Variants in SLF2 observed in about 807,000 individuals in gnomAD.
SLF2 encodes SMC5/6 complex localization factor 2.
A neutral mutation model predicts 124.3 loss-of-function variants in SLF2; 68 were observed. That is an observed-to-expected ratio of 0.55 (90% CI 0.45 to 0.67). SLF2 has a LOEUF of 0.67. SLF2 is among the 30% of genes least tolerant of loss of function. The pLI, the probability that SLF2 is intolerant of heterozygous loss-of-function variation, is 0.00. For synonymous variants in SLF2, 480 were observed against 478.8 expected (o/e 1.00, Z -0.03); for missense variants, 1,246 against 1,373.7 (o/e 0.91, Z 1.47).
At chr10:100,944,208 A>G in intron 12 of SLF2, 80 bp downstream of exon 12, 3 of 986,902 alleles carry the variant, frequency 3.0e-6, no homozygotes, top group Non-Finnish European at 4.3e-6. Context: ...AAAAAAAAAA[A>G]GTCTCGGCCG....
chr10:100,942,407 A>C (rs528345505), intron 11 of SLF2, among the ~76,000 whole-genome samples: 64 of 152,368 alleles, frequency 4.2e-4, no homozygotes, highest in South Asian at 1.0e-3. Flanking sequence ...ACTCAAGAAC[A>C]GCCAAATGGA....
chr10:100,919,330 T>C (rs552513050), intron 4 of SLF2, among the ~76,000 whole-genome samples: 2 of 152,214 alleles, frequency 1.3e-5, no homozygotes, highest in South Asian at 2.1e-4. Context: ...CATAATCTTA[T>C]TATCTTGGAA....
chr10:100,922,312 G>C (rs1202730522), intron 4 of SLF2, among the ~76,000 whole-genome samples: 1 of 152,184 alleles, frequency 6.6e-6, no homozygotes, highest in Non-Finnish European at 1.5e-5. Context: ...CTGAGCCCAA[G>C]TGATCCTCCC....
In SLF2 at chr10:100,944,079, A is replaced by G; in HGVS notation, c.2708A>G (p.Lys903Arg). The G allele has an allele frequency of 6.2e-7, 1 of 1,613,108 alleles. No homozygotes were observed. The highest frequency in any genetic ancestry group is 8.5e-7 in the Non-Finnish European group (1 of 1,179,690). The part of the protein sequence containing the change: ...RGKESEDSSY[K>R]PIFSTLPETN... ...AAAGAAAGTGAAGATTCATCTTATA[A>G]GCCAATTTTTTCAACACTTCCTGAA... The change falls in exon 12 of 20, where the codon AAG (lysine) becomes AGG (arginine). Residue 903 changes from lysine (K) to arginine (R), a missense_variant. Physicochemically the swap from Lys to Arg is conservative, Grantham distance 26 (BLOSUM62 2). Transcript: ENST00000238961.
At chr10:100,943,747 A>T in intron 11 of SLF2, 1 of 283,194 alleles carries the variant, frequency 3.5e-6, no homozygotes, top group South Asian at 7.0e-5. Context: ...ATGCATAATG[A>T]TAGAAATCAT....
intron 8 of SLF2, among the ~76,000 whole-genome samples, chr10:100,930,391 G>A (rs1849709078): frequency 6.6e-6 from 1 of 152,128 alleles, no homozygotes; most frequent in South Asian, 2.1e-4. Context: ...CCAGCCTTTA[G>A]TTCAAATTCC....
intron 9 of SLF2, among the ~76,000 whole-genome samples, chr10:100,937,043 A>AAAATGCCTTTATT (rs1445887240): frequency 3.9e-5 from 6 of 152,196 alleles, no homozygotes; most frequent in Admixed American, 2.6e-4. Context: ...AAATGCACAT[A>AAAATGCCTTTATT]AAATGCCTTT....
chr10:100,938,115 A>G (rs969027328), intron 10 of SLF2, among the ~76,000 whole-genome samples: 3 of 152,314 alleles, frequency 2.0e-5, no homozygotes, highest in Non-Finnish European at 4.4e-5. Context: ...TTGGTAAGCA[A>G]CAGTATTATA....
In SLF2 at chr10:100,961,863, C is replaced by A. The variant is rs981937877; in HGVS notation, c.3487-14C>A. ...ATTTTGCTTTACCCTCTTTTTTCTC[C>A]TTCCCTTTTTTAGGGGCAGCTTCAT... On this transcript the variant is annotated splice_polypyrimidine_tract_variant and intron_variant, in intron 19 of 19. Transcript: ENST00000238961. 1 of 1,604,012 alleles carries A rather than the reference C, an allele frequency of 6.2e-7. No individual in the cohort carries two copies. Among genetic ancestry groups the A allele is most frequent in the Non-Finnish European group, 8.5e-7 (1 of 1,173,546 alleles).
At position 100,917,919 on chromosome 10, in the gene SLF2, CAAAT is replaced by C. The variant is rs76103040; in HGVS notation, c.916-446_916-443del. Among the ~76,000 whole-genome samples the C allele has an allele frequency of 7.9e-3, 1,204 of 151,696 alleles. 9 individuals carry two copies. Among genetic ancestry groups the C allele is most frequent in the South Asian group, 0.028 (134 of 4,798 alleles). ...ACATATCGAGACCTTGGCTCTACTACAAATAAATAAATAAATAAATAACCAGTCA... is the reference window on the plus strand; with the variant it reads ...ACATATCGAGACCTTGGCTCTACTACAAATAAATAAATAAATAACCAGTCA... On this transcript the variant is annotated intron_variant, in intron 3 of 19. Coordinates refer to ENST00000238961, the MANE Select transcript of SLF2 (RefSeq NM_018121.4).
In SLF2 at chr10:100,924,564, C is replaced by A; in HGVS notation, c.1563C>A (p.His521Gln). ...CSGHSTESTK[H>Q]KEHKAKTNKA... is the part of the protein sequence containing the mutation. ...GGCATTCTACAGAATCCACCAAACA[C>A]AAGGAACACAAAGCAAAGACTAATA... Residue 521 changes from histidine (H) to glutamine (Q), a missense_variant, in exon 5 of 20, where the codon CAC becomes CAA. His to Gln is a conservative substitution (Grantham distance 24, BLOSUM62 0). This residue lies in a region of SLF2 where 698 missense variants were observed against 708.9 expected (regional missense o/e 0.98). Transcript: ENST00000238961. 6.2e-7 allele frequency: 1 copy of A among 1,614,042 alleles called. No individual in the cohort carries two copies. The highest frequency in any genetic ancestry group is 1.3e-5 in the African/African-American group (1 of 75,006).
intron 10 of SLF2, 50 bp downstream of exon 10, chr10:100,937,527 T>G (rs1350656024): frequency 9.6e-7 from 1 of 1,044,620 alleles, no homozygotes; most frequent in East Asian, 2.4e-5. Context: ...TTGGTTGCTA[T>G]TTACATGGTA....
At chr10:100,918,166 TATG>T (rs1169327829) in intron 3 of SLF2, among the ~76,000 whole-genome samples, 1 of 152,252 alleles carries the variant, frequency 6.6e-6, no homozygotes, top group Admixed American at 6.5e-5. Context: ...ACTTCATTTT[TATG>T]ATATTTTTAC....
At chr10:100,926,444 A>C in intron 6 of SLF2, 1 of 594,052 alleles carries the variant, frequency 1.7e-6, no homozygotes. Flanking sequence ...TCTCTACAAA[A>C]AATACAAAAA....
At position 100,929,831 on chromosome 10, in the gene SLF2, G is replaced by A. The variant is rs1273808772; in HGVS notation, c.2167G>A (p.Glu723Lys). The A allele has an allele frequency of 1.9e-6, 3 of 1,571,034 alleles. No individual in the cohort carries two copies. The African/African-American group carries it at 4.1e-5, about 22-fold the overall frequency. Residue 723 changes from glutamate to lysine, a missense_variant and splice_region_variant, in exon 8 of 20, where the codon GAA becomes AAA. This residue lies in a region of SLF2 where 535 missense variants were observed against 632.8 expected (regional missense o/e 0.85). Transcript: ENST00000238961. ...TGATTGACTTTTTTTATGTTTCAGGGAATTTCTAAAGAAATTTTCAGTTAC... is the reference window on the plus strand; with the variant it reads ...TGATTGACTTTTTTTATGTTTCAGGAAATTTCTAAAGAAATTTTCAGTTAC... Reference protein sequence around the residue: ...DEDGLLEEHKEFLKKFSVTID... With the variant: ...DEDGLLEEHKKFLKKFSVTID...
chr10:100,957,217 G>A (rs959764014), intron 18 of SLF2, among the ~76,000 whole-genome samples: 1 of 151,670 alleles, frequency 6.6e-6, no homozygotes, highest in African/African-American at 2.4e-5. Flanking sequence ...ATGAAACAGT[G>A]GCTTTGAAAT....
intron 4 of SLF2, among the ~76,000 whole-genome samples, chr10:100,922,676 A>C (rs1011658480): frequency 2.0e-5 from 3 of 151,536 alleles, no homozygotes; most frequent in Non-Finnish European, 2.9e-5. Context: ...TTTGGTACCT[A>C]GGCTGGTCTT....
chr10:100,916,076 A>G (rs1564768516), intron 2 of SLF2, 34 bp downstream of exon 2: 4 of 1,576,184 alleles, frequency 2.5e-6, no homozygotes, highest in Non-Finnish European at 2.6e-6. Flanking sequence ...TTTGTGGGCT[A>G]TTTTGGGGGT....
intron 13 of SLF2, among the ~76,000 whole-genome samples, chr10:100,945,723 TG>T (rs1382694998): frequency 6.6e-6 from 1 of 152,208 alleles, no homozygotes; most frequent in East Asian, 1.9e-4. Flanking sequence ...ATGTGTTTAT[TG>T]GGGATTTCCT....
Sources: gnomAD v4.1 joint callset for allele counts (sites outside exome capture counted in the v4.1 genomes callset) on GRCh38, gnomAD v4.1.1 for gene constraint, gnomAD v4.1.1 regional missense constraint, MANE v1.5 for transcripts, NCBI Gene and HGNC (gene_info 2026-07-23, HGNC 2026-07-21) for gene names.